HNRNPL: variants seen among roughly 807,000 people sequenced by gnomAD.
The protein encoded by HNRNPL is heterogeneous nuclear ribonucleoprotein L.
Under a neutral mutation model 64.0 loss-of-function variants are expected in HNRNPL, and 12 were observed. That is an observed-to-expected ratio of 0.19 (90% CI 0.12 to 0.30). The LOEUF is 0.30. HNRNPL is among the 10% of genes least tolerant of loss of function. The pLI is 1.00. For synonymous variants in HNRNPL, 385 were observed against 313.0 expected, an observed-to-expected ratio of 1.23 and a Z score of -2.43; for missense variants, 484 against 797.4, an observed-to-expected ratio of 0.61 and a Z score of 4.73.
intron 9 of HNRNPL, 79 bp downstream of exon 9, chr19:38,838,815 T>G: frequency 6.3e-7 from 1 of 1,584,792 alleles, no homozygotes; most frequent in Non-Finnish European, 8.6e-7. Flanking sequence ...TCGGCCTCAC[T>G]GTGCTCCTCT....
At position 38,841,560 on chromosome 19, in the gene HNRNPL, T is replaced by C. The variant is rs1972119065; in HGVS notation, c.881-1001A>G. The C allele has an allele frequency of 4.0e-6, 3 of 754,374 alleles. No homozygotes were observed. In the South Asian group the frequency reaches 4.3e-5, roughly 11 times the overall value. The allele number at this position is 754,374 out of a possible 1,614,324, so 46.7% of individuals were successfully genotyped here. On this transcript the variant is annotated intron_variant, in intron 6 of 12. Coordinates refer to ENST00000221419, the MANE Select transcript of HNRNPL (RefSeq NM_001533.3). ...GGAAAAGGACTACTTACAGCAGAAGTACAGAGTACAATGTCCATTTGTCAC... is the reference window on the plus strand; with the variant it reads ...GGAAAAGGACTACTTACAGCAGAAGCACAGAGTACAATGTCCATTTGTCAC...
At chr19:38,841,687 A>G in intron 6 of HNRNPL, 3 of 1,266,360 alleles carry the variant, frequency 2.4e-6, no homozygotes, top group Non-Finnish European at 3.1e-6. Flanking sequence ...GCGACCCTGC[A>G]TCACATGGTT....
chr19:38,839,138 C>G, intron 8 of HNRNPL, 123 bp from the exon 9 acceptor site: 1 of 1,261,630 alleles, frequency 7.9e-7, no homozygotes, highest in South Asian at 1.3e-5. Flanking sequence ...TTAATCGGGA[C>G]CACTAGAAAA....
intron 6 of HNRNPL, chr19:38,843,518 A>G (rs1262413638): frequency 8.3e-6 from 3 of 361,974 alleles, no homozygotes; most frequent in Non-Finnish European, 1.5e-5. Context: ...AGTGACCCTC[A>G]CCAGACTCTC....
At chr19:38,842,993 G>A (rs560199957) in intron 6 of HNRNPL, among the ~76,000 whole-genome samples, 10 of 152,312 alleles carry the variant, frequency 6.6e-5, no homozygotes, top group African/African-American at 2.4e-4. Flanking sequence ...CCACTGTGAG[G>A]ATCCTGGGGA....
chr19:38,846,590 G>A (rs1049378592), intron 2 of HNRNPL, among the ~76,000 whole-genome samples: 2 of 152,058 alleles, frequency 1.3e-5, no homozygotes, highest in South Asian at 2.1e-4. Flanking sequence ...TGGCCAACAT[G>A]GCAAAACCTC....
intron 6 of HNRNPL, 42 bp downstream of exon 6, chr19:38,843,800 G>A: frequency 6.5e-7 from 1 of 1,530,986 alleles, no homozygotes; most frequent in Non-Finnish European, 9.1e-7. Context: ...TCGAGTGAAA[G>A]CAAGGCGGGT....
At chr19:38,840,897 T>C (rs945800256) in intron 6 of HNRNPL, 1 of 327,082 alleles carries the variant, frequency 3.1e-6, no homozygotes, top group Non-Finnish European at 5.6e-6. Context: ...GAAGCTGATA[T>C]ATTATGGCGG....
intron 10 of HNRNPL, 116 bp from the exon 11 acceptor site, chr19:38,837,767 G>C: frequency 2.4e-6 from 2 of 850,654 alleles, no homozygotes; most frequent in East Asian, 5.3e-5. Flanking sequence ...GAAAAGGCTT[G>C]TAGATTTTAT....
At chr19:38,850,094 G>A, upstream of HNRNPL, 1 of 715,418 alleles carries the variant, frequency 1.4e-6, no homozygotes, top group Non-Finnish European at 2.1e-6. Flanking sequence ...CACACGCCTT[G>A]CGCGCTTATT....
At chr19:38,841,657 C>T in intron 6 of HNRNPL, 3 of 1,284,794 alleles carry the variant, frequency 2.3e-6, no homozygotes, top group Non-Finnish European at 3.0e-6. Flanking sequence ...TGAAAGATGG[C>T]GTCCCATCAA....
chr19:38,837,695 G>T (rs756168557), intron 10 of HNRNPL, 44 bp from the exon 11 acceptor site: 15 of 1,565,538 alleles, frequency 9.6e-6, no homozygotes, highest in Non-Finnish European at 1.2e-5. Context: ...AAACAAAAGG[G>T]CCGCCACACA....
chr19:38,851,319 G>A (rs904887492), upstream of HNRNPL, among the ~76,000 whole-genome samples: 1 of 152,368 alleles, frequency 6.6e-6, no homozygotes, highest in East Asian at 1.9e-4. Context: ...GAGCCTGGGG[G>A]GTGGAGAGGA....
rs35433653 is a variant in HNRNPL, at chr19:38,836,598, T to TAAAA, written c.*120_*123dup. The TAAAA allele has an allele frequency of 5.6e-4, 76 of 136,622 alleles. No individual in the cohort carries two copies. Among genetic ancestry groups the TAAAA allele is most frequent in the South Asian group, 9.0e-4 (8 of 8,862 alleles). 8.5% of individuals were successfully genotyped at this position (136,622 alleles called of 1,614,324 possible). A position where few individuals can be genotyped will look rare whatever the true frequency, so the allele number is the denominator to read the frequency against. ...AGTAAGCCTCTACAAACCTAGCATT[T>TAAAA]AAAAAAAAAAAAAAAAAAAAAAAAA... On this transcript the variant is annotated 3_prime_UTR_variant, in exon 13 of 13. Transcript: ENST00000221419.
intron 4 of HNRNPL, 52 bp from the exon 5 acceptor site, chr19:38,844,156 C>G (rs1249759925): frequency 1.0e-5 from 12 of 1,181,394 alleles, no homozygotes; most frequent in Non-Finnish European, 1.5e-5. Flanking sequence ...AGAAGGGCTT[C>G]AAGTTACCCC....
At chr19:38,850,029 G>GC (rs1972458962), upstream of HNRNPL, 3 of 1,282,362 alleles carry the variant, frequency 2.3e-6, no homozygotes, top group Admixed American at 4.0e-5. Flanking sequence ...GTCACCCGCC[G>GC]CCCCCACCCG....
intron 10 of HNRNPL, 140 bp from the exon 11 acceptor site, chr19:38,837,791 G>A (rs1316560246): frequency 3.0e-6 from 2 of 676,224 alleles, no homozygotes; most frequent in Non-Finnish European, 5.1e-6. Context: ...ATACCCTAAG[G>A]CATCCCTGTG....
At chr19:38,839,239 T>C (rs1281192239) in intron 8 of HNRNPL, 7 of 535,606 alleles carry the variant, frequency 1.3e-5, no homozygotes, top group Non-Finnish European at 2.0e-5. Flanking sequence ...CACCAGTAAA[T>C]CATTTAGTGA....
At chr19:38,840,658 A>C (rs1972086689) in intron 6 of HNRNPL, 99 bp from the exon 7 acceptor site, 7 of 896,782 alleles carry the variant, frequency 7.8e-6, no homozygotes, top group Middle Eastern at 3.3e-4. Context: ...GCTCCTGCCA[A>C]CTGCAAGCCC....
Sources: gnomAD v4.1 joint callset for allele counts (sites outside exome capture counted in the v4.1 genomes callset) on GRCh38, gnomAD v4.1.1 for gene constraint, MANE v1.5 for transcripts, NCBI Gene and HGNC (gene_info 2026-07-23, HGNC 2026-07-21) for gene names.